SYT3: variants seen among roughly 807,000 people sequenced by gnomAD.
SYT3 encodes the protein synaptotagmin-3.
SYT3 carries 25 observed loss-of-function variants against 50.6 expected under a neutral mutation model. That is an observed-to-expected ratio of 0.49 (90% confidence interval 0.36 to 0.69). SYT3 has a LOEUF of 0.69. SYT3 is among the 30% of genes least tolerant of loss of function. The pLI, the probability that SYT3 is intolerant of heterozygous loss-of-function variation, is 0.00. For synonymous variants in SYT3, 323 were observed against 353.9 expected (o/e 0.91, Z 0.98); for missense variants, 589 against 793.6 (o/e 0.74, Z 3.10).
At chr19:50,630,815 G>C (rs1326163407) in intron 4 of SYT3, among the ~76,000 whole-genome samples, 1 of 152,116 alleles carries the variant, frequency 6.6e-6, no homozygotes, top group Non-Finnish European at 1.5e-5. Context: ...GGTGACCCAG[G>C]ATGCTTCTCC....
At chr19:50,653,351 A>AT in the SYT3 span, among the ~76,000 whole-genome samples, 1 of 152,008 alleles carries the variant, frequency 6.6e-6, no homozygotes, top group East Asian at 1.9e-4. Context: ...AGTGGAAAGT[A>AT]TTTTTTAAAG....
chr19:50,629,383 T>A lies in SYT3; in HGVS notation c.1192A>T (p.Ile398Phe), dbSNP rs780170593. ...AGGTTGTCCAGCACCACCTGGCCGA[T>A]GAGGTCGTGCCGCGAGAAGCGGTCA... ...DFDRFSRHDL[I>F]GQVVLDNLLE... Residue 398 changes from isoleucine to phenylalanine, a missense_variant, in exon 6 of 11, where the codon ATC (isoleucine) becomes TTC (phenylalanine). Transcript: ENST00000600079. 1 of 1,613,726 alleles carries A rather than the reference T, an allele frequency of 6.2e-7. No homozygotes were observed. Among genetic ancestry groups the A allele is most frequent in the Middle Eastern group, 1.7e-4 (1 of 6,056 alleles).
intron 4 of SYT3, among the ~76,000 whole-genome samples, chr19:50,630,870 C>T (rs1038324847): frequency 2.0e-5 from 3 of 152,162 alleles, no homozygotes; most frequent in Non-Finnish European, 4.4e-5. Context: ...CTGCCCTTCT[C>T]TTAATCTCCC....
Position 50,632,601 on chromosome 19 carries a change from C to A in SYT3, c.359G>T (p.Gly120Val). 1 of 1,577,978 alleles carries A rather than the reference C, an allele frequency of 6.3e-7. No individual in the cohort carries two copies. Residue 120 changes from glycine to valine, a missense_variant, in exon 4 of 11, where the codon GGC becomes GTC. Around this residue, in one of 2 missense-constraint regions of SYT3, gnomAD observed 316 missense variants for 354.3 expected, o/e 0.89. Coordinates refer to ENST00000600079, the MANE Select transcript of SYT3 (RefSeq NM_001160329.2). This position sits in a 1 kb window ranked among gnomAD's most constrained non-coding sequence, Gnocchi z 4.7. ...VGGGGHHLAA[G>V]LGGHPLLGGP... ...GCCCAGCAGAGGATGGCCACCCAGG[C>A]CAGCCGCCAGGTGGTGCCCGCCTCC...
the SYT3 span, among the ~76,000 whole-genome samples, chr19:50,655,416 C>T: frequency 4.7e-4 from 72 of 152,150 alleles, no homozygotes; most frequent in African/African-American, 1.3e-3. Context: ...TTTGGGAGGA[C>T]GAGGCAGGAG....
At chr19:50,644,904 T>C in the SYT3 span, among the ~76,000 whole-genome samples, 1 of 151,278 alleles carries the variant, frequency 6.6e-6, no homozygotes, top group South Asian at 2.1e-4. Flanking sequence ...AAGAGTTAGA[T>C]AGAGGATGGT....
In SYT3 at chr19:50,632,521, C is replaced by T. The variant is rs758364283; in HGVS notation, c.439G>A (p.Glu147Lys). 5 of 1,609,200 alleles carry T rather than the reference C, an allele frequency of 3.1e-6. No homozygotes were observed. In the South Asian group the frequency reaches 4.4e-5, roughly 14 times the overall value. The change falls in exon 4 of 11, where the codon GAG (glutamate) becomes AAG (lysine). Residue 147 changes from glutamate (E) to lysine (K), a missense_variant. Around this residue, in one of 2 missense-constraint regions of SYT3, gnomAD observed 316 missense variants for 354.3 expected, o/e 0.89. Transcript: ENST00000600079. The surrounding 1 kb of genome is among the most constrained non-coding windows in gnomAD (Gnocchi z 4.7). ...AHHPPFAELL[E>K]PGSLGGSDTP... ...TCAGAACCCCCCAGGCTGCCTGGCT[C>T]CAGCAGCTCAGCAAAGGGTGGATGG...
At position 50,625,033 on chromosome 19, in the gene SYT3, C is replaced by G. The variant is rs1568760083; in HGVS notation, c.1707+129G>C. 1 of 1,059,312 alleles carries G rather than the reference C, an allele frequency of 9.4e-7. No homozygotes were observed. The highest frequency in any genetic ancestry group is 1.3e-6 in the Non-Finnish European group (1 of 798,488). The allele number at this position is 1,059,312 out of a possible 1,614,324, so 65.6% of individuals were successfully genotyped here. A position where few individuals can be genotyped will look rare whatever the true frequency, so the allele number is the denominator to read the frequency against. Reference sequence around the variant, plus strand: ...CTCTAAGCCGCACAGCTAAAGTTGGCACAGCAGGGATTGAAACCTAGGACG... The same window carrying G: ...CTCTAAGCCGCACAGCTAAAGTTGGGACAGCAGGGATTGAAACCTAGGACG... On this transcript the variant is annotated intron_variant, in intron 9 of 10. Coordinates refer to ENST00000600079, the MANE Select transcript of SYT3 (RefSeq NM_001160329.2). This position sits in a 1 kb window ranked among gnomAD's most constrained non-coding sequence, Gnocchi z 7.5.
rs1333167303 is a variant in SYT3 at position 50,639,087 on chromosome 19, G to A, written c.-78C>T. Reference sequence around the variant, plus strand: ...GGCGGCGGCGGGCGGCAGCCCATGGGGGTTCTAGGGCGGACAAGGGGCTGT... The same window carrying A: ...GGCGGCGGCGGGCGGCAGCCCATGGAGGTTCTAGGGCGGACAAGGGGCTGT... On this transcript the variant is annotated 5_prime_UTR_variant, in exon 2 of 11. Transcript: ENST00000600079. This position sits in a 1 kb window ranked among gnomAD's most constrained non-coding sequence, Gnocchi z 4.6. 1.3e-5 allele frequency: 2 copies of A among 153,374 alleles called. No individual in the cohort carries two copies. The highest frequency in any genetic ancestry group is 2.4e-5 in the African/African-American group (1 of 41,468). The allele number at this position is 153,374 out of a possible 1,614,324, so 9.5% of individuals were successfully genotyped here.
chr19:50,626,786 A>G (rs1214128045), intron 6 of SYT3, among the ~76,000 whole-genome samples: 1 of 151,320 alleles, frequency 6.6e-6, no homozygotes, highest in Non-Finnish European at 1.5e-5. Flanking sequence ...AGAGAGACTC[A>G]GAGAGAGACA....
chr19:50,650,574 G>C, the SYT3 span, among the ~76,000 whole-genome samples: 1 of 152,170 alleles, frequency 6.6e-6, no homozygotes, highest in Non-Finnish European at 1.5e-5. Flanking sequence ...GGGAGGCTGA[G>C]GCAGGAGAAT....
In SYT3 at chr19:50,625,237, C is replaced by A; in HGVS notation, c.1632G>T (p.Pro544=). The change falls in exon 9 of 11, where the codon CCG becomes CCT. Residue 544 remains proline (P), a synonymous_variant. Coordinates refer to ENST00000600079, the MANE Select transcript of SYT3 (RefSeq NM_001160329.2). The surrounding 1 kb of genome is among the most constrained non-coding windows in gnomAD (Gnocchi z 7.5). ...VCRVGPDAAD[P]HGREHWAEML... Reference sequence around the variant, plus strand: ...TCTCTGCCCAGTGCTCGCGGCCGTGCGGGTCGGCAGCGTCGGGGCCCACAC... The same window carrying A: ...TCTCTGCCCAGTGCTCGCGGCCGTGAGGGTCGGCAGCGTCGGGGCCCACAC... The A allele has an allele frequency of 1.9e-6, 3 of 1,580,396 alleles. No homozygotes were observed. The highest frequency in any genetic ancestry group is 1.7e-6 in the Non-Finnish European group (2 of 1,167,588).
rs951216533 is a variant in SYT3 at position 50,625,227 on chromosome 19, C to T, written c.1642G>A (p.Glu548Lys). 2.5e-6 allele frequency: 4 copies of T among 1,589,110 alleles called. No homozygotes were observed. The highest frequency in any genetic ancestry group is 4.5e-5 in the East Asian group (2 of 44,064). ...GPDAADPHGR[E>K]HWAEMLANPR... Reference sequence around the variant, plus strand: ...TTGGCCAGCATCTCTGCCCAGTGCTCGCGGCCGTGCGGGTCGGCAGCGTCG... The same window carrying T: ...TTGGCCAGCATCTCTGCCCAGTGCTTGCGGCCGTGCGGGTCGGCAGCGTCG... The change falls in exon 9 of 11, where the codon GAG becomes AAG. Residue 548 changes from glutamate to lysine, a missense_variant. Transcript: ENST00000600079. The surrounding 1 kb of genome is among the most constrained non-coding windows in gnomAD (Gnocchi z 7.5).
At position 50,630,185 on chromosome 19, in the gene SYT3, G is replaced by T. The variant is rs762767627; in HGVS notation, c.675-14C>A. On this transcript the variant is annotated splice_polypyrimidine_tract_variant and intron_variant, in intron 4 of 10. Coordinates refer to ENST00000600079, the MANE Select transcript of SYT3 (RefSeq NM_001160329.2). ...AGGGCTGGGTACCTGTAGGGGGTTG[G>T]GGGGAGACCAAGGTGAGGTCAGTGG... is the stretch of plus-strand genomic sequence containing the variant. The T allele has an allele frequency of 5.3e-6, 8 of 1,505,888 alleles. No homozygotes were observed. The East Asian group carries it at 7.0e-5, about 13-fold the overall frequency. 93.3% of individuals were successfully genotyped at this position (1,505,888 alleles called of 1,614,324 possible). A position where few individuals can be genotyped will look rare whatever the true frequency, so the allele number is the denominator to read the frequency against.
At chr19:50,643,738 TG>T (rs1196042124), upstream of SYT3, among the ~76,000 whole-genome samples, 1 of 151,996 alleles carries the variant, frequency 6.6e-6, no homozygotes, top group Non-Finnish European at 1.5e-5. Context: ...GGGATTCATC[TG>T]GGAACAAAAT....
At position 50,629,314 on chromosome 19, in the gene SYT3, C is replaced by A; in HGVS notation, c.1261G>T (p.Asp421Tyr). ...CTGACCGAGCCGCCCTCCACGATGTCCCTCCAGAGCGGGCGGTCAGGGGGC... is the reference window on the plus strand; with the variant it reads ...CTGACCGAGCCGCCCTCCACGATGTACCTCCAGAGCGGGCGGTCAGGGGGC... ...EQPPDRPLWR[D>Y]IVEGGSEKAD... The change falls in exon 6 of 11, where the codon GAC becomes TAC. Residue 421 changes from aspartate to tyrosine, a missense_variant. Asp to Tyr is a radical substitution (Grantham distance 160). This residue lies in a region of SYT3 where 273 missense variants were observed against 439.3 expected (regional missense o/e 0.62). Coordinates refer to ENST00000600079, the MANE Select transcript of SYT3 (RefSeq NM_001160329.2). 6.2e-7 allele frequency: 1 copy of A among 1,607,258 alleles called. No individual in the cohort carries two copies. The highest frequency in any genetic ancestry group is 8.5e-7 in the Non-Finnish European group (1 of 1,175,516).
the SYT3 span, chr19:50,657,971 T>C: frequency 6.6e-7 from 1 of 1,516,490 alleles, no homozygotes; most frequent in Non-Finnish European, 8.8e-7. Context: ...GCTGAGGTTC[T>C]CTCTCCGACA....
At chr19:50,644,722 GA>G (rs1984734723), upstream of SYT3, among the ~76,000 whole-genome samples, 1 of 151,864 alleles carries the variant, frequency 6.6e-6, no homozygotes, top group Non-Finnish European at 1.5e-5. Flanking sequence ...GGATGCTGCA[GA>G]AATAAATAAA....
rs761059194 is a variant in SYT3 at position 50,629,354 on chromosome 19, C to T, written c.1221G>A (p.Leu407=). The change falls in exon 6 of 11, where the codon CTG becomes CTA. Residue 407 remains leucine (L), a synonymous_variant. Transcript: ENST00000600079. ...LIGQVVLDNL[L]ELAEQPPDRP... is the part of the protein sequence containing the mutation. ...GGTCAGGGGGCTGCTCGGCCAGCTC[C>T]AGGAGGTTGTCCAGCACCACCTGGC... The T allele has an allele frequency of 5.0e-6, 8 of 1,613,540 alleles. No homozygotes were observed. The highest frequency in any genetic ancestry group is 1.1e-5 in the South Asian group (1 of 90,990).
Sources: allele counts gnomAD v4.1 joint callset (sites outside exome capture counted in the v4.1 genomes callset), GRCh38; gene constraint gnomAD v4.1.1; regional missense constraint gnomAD v4.1.1; non-coding constraint Gnocchi (gnomAD v3.1); transcripts MANE v1.5; gene names NCBI Gene and HGNC (gene_info 2026-07-23, HGNC 2026-07-21).